TTC29: variants seen among roughly 807,000 people sequenced by gnomAD.
The protein encoded by TTC29 is tetratricopeptide repeat protein 29.
TTC29 carries 49 observed loss-of-function variants against 58.1 expected under a neutral mutation model. The ratio of observed to expected loss-of-function variants is 0.84; its 90% confidence interval spans 0.67 to 1.07. The LOEUF (loss-of-function observed/expected upper bound fraction) is 1.07, where lower values mean the gene tolerates loss of function less well. Among genes scored for constraint, TTC29 ranks in the 50% least tolerant of loss-of-function variants. The probability of loss-of-function intolerance (pLI) is 0.00; values close to 1 mark genes in which losing one functional copy is unlikely to be tolerated. For missense variants in TTC29, 582 were observed against 555.6 expected (o/e 1.05, Z -0.48); for synonymous variants, 209 against 196.8 (o/e 1.06, Z -0.52).
rs970516459 is a variant in TTC29, at chr4:146,706,746, C to G, written c.*412G>C. 6.5e-6 allele frequency: 1 copy of G among 154,778 alleles called. No individual in the cohort carries two copies. The highest frequency in any genetic ancestry group is 1.4e-5 in the Non-Finnish European group (1 of 69,920). 9.6% of individuals were successfully genotyped at this position (154,778 alleles called of 1,614,324 possible). A position where few individuals can be genotyped will look rare whatever the true frequency, so the allele number is the denominator to read the frequency against. On this transcript the variant is annotated 3_prime_UTR_variant, in exon 13 of 13. Transcript: ENST00000325106. ...AGTATGGTAGGCTTAATTGCTTATA[C>G]TCCTTTTATCTATGTTGAGAAGTTT... is the stretch of plus-strand genomic sequence containing the variant.
chr4:146,872,149 A>G (rs910909047), intron 7 of TTC29, among the ~76,000 whole-genome samples: 1 of 152,082 alleles, frequency 6.6e-6, no homozygotes, highest in Non-Finnish European at 1.5e-5. Flanking sequence ...TATTGAGAAA[A>G]GAATAATGTT....
At chr4:146,814,993 G>A (rs929456972) in intron 10 of TTC29, among the ~76,000 whole-genome samples, 1 of 152,162 alleles carries the variant, frequency 6.6e-6, no homozygotes, top group Non-Finnish European at 1.5e-5. Context: ...GAAGCAATGA[G>A]GTCAGAGATA....
At chr4:146,736,384 C>T (rs1183594278) in intron 11 of TTC29, among the ~76,000 whole-genome samples, 1 of 152,080 alleles carries the variant, frequency 6.6e-6, no homozygotes, top group African/African-American at 2.4e-5. Flanking sequence ...CTGTCCTTTA[C>T]CTGACTGTAT....
chr4:146,814,041 G>T (rs1402628658), intron 10 of TTC29, among the ~76,000 whole-genome samples: 2 of 152,108 alleles, frequency 1.3e-5, no homozygotes, highest in Non-Finnish European at 2.9e-5. Context: ...ACAAGTGAGA[G>T]AATACTACTC....
At chr4:146,832,893 T>C (rs150224062) in intron 9 of TTC29, among the ~76,000 whole-genome samples, 1,540 of 152,314 alleles carry the variant, frequency 0.01, 9 homozygotes, top group Middle Eastern at 0.021. Context: ...ACTGATATTT[T>C]AAACTATGAT....
intron 4 of TTC29, among the ~76,000 whole-genome samples, chr4:146,910,803 C>T (rs1733847948): frequency 6.6e-6 from 1 of 152,086 alleles, no homozygotes. Flanking sequence ...GATCAAATGC[C>T]AACATTTAGT....
At chr4:146,795,909 CA>C (rs1425020936) in intron 11 of TTC29, among the ~76,000 whole-genome samples, 1 of 152,166 alleles carries the variant, frequency 6.6e-6, no homozygotes, top group Admixed American at 6.5e-5. Context: ...GGCCAAATGA[CA>C]TAGCTAGAGG....
intron 10 of TTC29, among the ~76,000 whole-genome samples, chr4:146,810,628 G>A (rs1032664362): frequency 3.5e-5 from 4 of 115,294 alleles, no homozygotes; most frequent in African/African-American, 1.4e-4. Context: ...CTCTCACTCT[G>A]TTGCCCAGGT....
chr4:146,750,760 A>G (rs1299590683), intron 11 of TTC29, among the ~76,000 whole-genome samples: 1 of 152,224 alleles, frequency 6.6e-6, no homozygotes, highest in Admixed American at 6.5e-5. Flanking sequence ...TTAGCAATAC[A>G]GAAAACTATC....
intron 6 of TTC29, among the ~76,000 whole-genome samples, chr4:146,903,214 T>C (rs994240004): frequency 1.1e-4 from 16 of 152,136 alleles, no homozygotes; most frequent in Non-Finnish European, 1.5e-4. Context: ...TGGGGCATTA[T>C]GAAAATCTAA....
intron 11 of TTC29, among the ~76,000 whole-genome samples, chr4:146,716,051 C>G (rs1309140533): frequency 1.3e-4 from 19 of 151,958 alleles, no homozygotes; most frequent in Non-Finnish European, 1.5e-5. Context: ...TTTAAATATT[C>G]TGGATAGAAA....
chr4:146,857,852 C>A (rs1185014212), intron 8 of TTC29, among the ~76,000 whole-genome samples: 1 of 152,050 alleles, frequency 6.6e-6, no homozygotes, highest in African/African-American at 2.4e-5. Flanking sequence ...AAGTTATTAA[C>A]AAATTAATAA....
At chr4:146,821,257 G>A (rs1261193796) in intron 9 of TTC29, among the ~76,000 whole-genome samples, 1 of 152,080 alleles carries the variant, frequency 6.6e-6, no homozygotes, top group African/African-American at 2.4e-5. Flanking sequence ...TTCCTTTTAG[G>A]GTGATTGAAA....
chr4:146,879,323 A>T (rs946167767), intron 6 of TTC29, among the ~76,000 whole-genome samples: 2 of 152,204 alleles, frequency 1.3e-5, no homozygotes, highest in African/African-American at 2.4e-5. Context: ...AAGCATGATT[A>T]ACAATGATAT....
At chr4:146,859,244 T>TTG (rs1267950515) in intron 8 of TTC29, among the ~76,000 whole-genome samples, 2 of 152,074 alleles carry the variant, frequency 1.3e-5, no homozygotes, top group African/African-American at 4.8e-5. Context: ...CTGCAGACAT[T>TTG]CAGAACTCTA....
intron 8 of TTC29, among the ~76,000 whole-genome samples, chr4:146,843,608 G>C (rs1003548115): frequency 2.6e-5 from 4 of 152,030 alleles, no homozygotes; most frequent in African/African-American, 9.7e-5. Context: ...AAGTCACTTG[G>C]TTACCTTGTG....
chr4:146,735,815 T>C (rs1041672746), intron 11 of TTC29, among the ~76,000 whole-genome samples: 1 of 152,202 alleles, frequency 6.6e-6, no homozygotes, highest in African/African-American at 2.4e-5. Context: ...CTTATCAAAT[T>C]TGCTGTCTCA....
intron 10 of TTC29, among the ~76,000 whole-genome samples, chr4:146,805,557 C>G (rs180824156): frequency 1.9e-4 from 29 of 151,994 alleles, no homozygotes; most frequent in Admixed American, 1.8e-3. Flanking sequence ...CCTGATGGAA[C>G]TGAAAAACAC....
intron 11 of TTC29, among the ~76,000 whole-genome samples, chr4:146,801,881 A>C (rs1750246497): frequency 1.4e-5 from 2 of 145,706 alleles, no homozygotes; most frequent in East Asian, 4.5e-4. Context: ...CAGGAGGCTG[A>C]AGCAGGAGAA....
Sources: gnomAD v4.1 joint callset for allele counts (sites outside exome capture counted in the v4.1 genomes callset) on GRCh38, gnomAD v4.1.1 for gene constraint, MANE v1.5 for transcripts, NCBI Gene and HGNC (gene_info 2026-07-23, HGNC 2026-07-21) for gene names.